Variants in PCDH10 observed in about 807,000 individuals in gnomAD.
The protein encoded by PCDH10 is protocadherin 10.
Under a neutral mutation model 74.4 loss-of-function variants are expected in PCDH10, and 15 were observed. The observed-to-expected ratio is 0.20, with a 90% CI of 0.13 to 0.31. The LOEUF (loss-of-function observed/expected upper bound fraction) is 0.31, where lower values mean the gene tolerates loss of function less well. Ranked by LOEUF, PCDH10 falls within the 10% of genes least tolerant of loss-of-function variation. PCDH10 has a pLI of 1.00. For missense variants in PCDH10, 1,260 were observed against 1,390.2 expected (o/e 0.91, Z 1.49); for synonymous variants, 619 against 589.8 (o/e 1.05, Z -0.72).
chr4:133,196,699 T>C (rs544745918), downstream of PCDH10, among the ~76,000 whole-genome samples: 50 of 152,318 alleles, frequency 3.3e-4, no homozygotes, highest in African/African-American at 1.2e-3. Flanking sequence ...AGTTAAACTA[T>C]AAACCAAGTT....
In PCDH10 at chr4:133,154,315, C is replaced by T; in HGVS notation, c.2640C>T (p.His880=). 7 of 1,606,396 alleles carry T rather than the reference C, an allele frequency of 4.4e-6. No homozygotes were observed. The highest frequency in any genetic ancestry group is 6.0e-6 in the Non-Finnish European group (7 of 1,175,670). ...NGSILSNETK[H]QRAELSYLVD... Reference sequence around the variant, plus strand: ...ATTTATTTTTTTCCTAGACTAAACACCAGCGAGCAGAGCTCAGCTATCTAG... The same window carrying T: ...ATTTATTTTTTTCCTAGACTAAACATCAGCGAGCAGAGCTCAGCTATCTAG... The change falls in exon 2 of 5, where the codon CAC becomes CAT. Residue 880 remains histidine (H), a synonymous_variant. Coordinates refer to ENST00000264360, the MANE Select transcript of PCDH10 (RefSeq NM_032961.3).
At position 133,150,354 on chromosome 4, in the gene PCDH10, G is replaced by T; in HGVS notation, c.214G>T (p.Val72Leu). The T allele has an allele frequency of 1.9e-6, 3 of 1,613,888 alleles. No homozygotes were observed. Among genetic ancestry groups the T allele is most frequent in the Non-Finnish European group, 1.7e-6 (2 of 1,179,942 alleles). ...PYLDLNLETG[V>L]LYVNEKIDRE... ...CTTAGACCTCAACCTGGAGACAGGG[G>T]TGCTGTACGTGAACGAGAAAATAGA... Residue 72 changes from valine (V) to leucine (L), a missense_variant, in exon 1 of 5, where the codon GTG (valine) becomes TTG (leucine). Val to Leu is a conservative substitution (Grantham distance 32). This residue lies in a region of PCDH10 where 103 missense variants were observed against 91.5 expected (regional missense o/e 1.13). Transcript: ENST00000264360.
At chr4:133,199,776 T>C (rs1466867038) in intron 2 of PCDH10, among the ~76,000 whole-genome samples, 1 of 145,338 alleles carries the variant, frequency 6.9e-6, no homozygotes, top group Non-Finnish European at 1.5e-5. Flanking sequence ...TTATTATTAT[T>C]ATTATTATTA....
intron 4 of PCDH10, among the ~76,000 whole-genome samples, chr4:133,189,368 TGGATAAG>T (rs1445962396): frequency 6.6e-6 from 1 of 152,106 alleles, no homozygotes; most frequent in Non-Finnish European, 1.5e-5. Flanking sequence ...ACAAAGTTTA[TGGATAAG>T]GGAAGAAATA....
At chr4:133,175,722 C>T (rs1727284103) in intron 4 of PCDH10, among the ~76,000 whole-genome samples, 1 of 152,118 alleles carries the variant, frequency 6.6e-6, no homozygotes, top group African/African-American at 2.4e-5. Flanking sequence ...TCTGTACCTA[C>T]TGCACAAATA....
chr4:133,157,499 T>C (rs1055724657), intron 3 of PCDH10, among the ~76,000 whole-genome samples: 5 of 152,168 alleles, frequency 3.3e-5, no homozygotes, highest in Non-Finnish European at 4.4e-5. Flanking sequence ...ACTCATAGCA[T>C]AGCTTTCTAA....
chr4:133,159,938 C>T (rs1726933304), intron 3 of PCDH10, among the ~76,000 whole-genome samples: 1 of 151,760 alleles, frequency 6.6e-6, no homozygotes, highest in Non-Finnish European at 1.5e-5. Context: ...CCTCTGCTTA[C>T]TTGGTAATTA....
chr4:133,154,610 C>T (rs1045360366), intron 2 of PCDH10, among the ~76,000 whole-genome samples: 8 of 152,074 alleles, frequency 5.3e-5, no homozygotes, highest in African/African-American at 1.4e-4. Flanking sequence ...ACACAGCTTC[C>T]GATAGTCTTC....
In PCDH10 at chr4:133,151,052, G is replaced by T; in HGVS notation, c.912G>T (p.Ser304=). Residue 304 remains serine (S), a synonymous_variant, in exon 1 of 5, where the codon TCG becomes TCT. Transcript: ENST00000264360. Reference sequence around the variant, plus strand: ...GGGCGCGGGAGCTTTTCGGACTCTCGCCGCGCACTGGCAGACTGGAGGTAA... The same window carrying T: ...GGGCGCGGGAGCTTTTCGGACTCTCTCCGCGCACTGGCAGACTGGAGGTAA... ...SPRARELFGL[S]PRTGRLEVSG... is the part of the protein sequence containing the mutation. 1 of 1,613,914 alleles carries T rather than the reference G, an allele frequency of 6.2e-7. No individual in the cohort carries two copies. The highest frequency in any genetic ancestry group is 8.5e-7 in the Non-Finnish European group (1 of 1,180,030).
In PCDH10 at chr4:133,152,413, T is replaced by C. The variant is rs963102711; in HGVS notation, c.2273T>C (p.Leu758Pro). 14 of 1,613,670 alleles carry C rather than the reference T, an allele frequency of 8.7e-6. No homozygotes were observed. The highest frequency in any genetic ancestry group is 1.2e-5 in the Non-Finnish European group (14 of 1,179,760). Residue 758 changes from leucine (L) to proline (P), a missense_variant, in exon 1 of 5, where the codon CTC (leucine) becomes CCC (proline). Leu to Pro is a moderately conservative substitution (Grantham distance 98). Around this residue, in one of 11 missense-constraint regions of PCDH10, gnomAD observed 587 missense variants for 616.9 expected, o/e 0.95. Transcript: ENST00000264360. The part of the protein sequence containing the change: ...IYTCLASDCC[L>P]CCCCCGGGGS... ...ACTTGTCTGGCCAGCGATTGCTGCC[T>C]CTGCTGCTGCTGCTGCGGTGGCGGA...
At chr4:133,205,890 G>T (rs1033101866) in intron 2 of PCDH10, among the ~76,000 whole-genome samples, 2 of 151,988 alleles carry the variant, frequency 1.3e-5, no homozygotes, top group Non-Finnish European at 2.9e-5. Context: ...ATATATTGAT[G>T]ACAGTTTATT....
chr4:133,187,856 A>G (rs1727574872), intron 4 of PCDH10, among the ~76,000 whole-genome samples: 1 of 152,168 alleles, frequency 6.6e-6, no homozygotes, highest in South Asian at 2.1e-4. Flanking sequence ...TCAAGTGAAC[A>G]CATAATATTT....
rs1727736395 is a variant in PCDH10, at chr4:133,193,919, A to T, written c.*3759A>T. ...AAAACAGAAAATAATGGAATTCCAT[A>T]TTTTTTACACCATGGAGTAGTAAAA... On this transcript the variant is annotated 3_prime_UTR_variant, in exon 5 of 5. Coordinates refer to ENST00000264360, the MANE Select transcript of PCDH10 (RefSeq NM_032961.3). The T allele has an allele frequency of 6.6e-6, 1 of 151,626 alleles. No homozygotes were observed. Among genetic ancestry groups the T allele is most frequent in the Admixed American group, 6.6e-5 (1 of 15,194 alleles). 9.4% of individuals were successfully genotyped at this position (151,626 alleles called of 1,614,324 possible).
chr4:133,201,367 G>A (rs910936688), intron 2 of PCDH10, among the ~76,000 whole-genome samples: 8 of 152,154 alleles, frequency 5.3e-5, no homozygotes, highest in African/African-American at 1.9e-4. Flanking sequence ...ACAGTGTATA[G>A]ATGGATGAGA....
At chr4:133,170,749 G>A (rs1239127106) in intron 4 of PCDH10, among the ~76,000 whole-genome samples, 6 of 152,108 alleles carry the variant, frequency 3.9e-5, no homozygotes, top group African/African-American at 1.4e-4. Context: ...CTGGAGTGCA[G>A]TGGTGCGATC....
In PCDH10 at chr4:133,152,624, G is replaced by T. The variant is rs1457013511; in HGVS notation, c.2484G>T (p.Glu828Asp). Residue 828 changes from glutamate (E) to aspartate (D), a missense_variant, in exon 1 of 5, where the codon GAG (glutamate) becomes GAT (aspartate). Coordinates refer to ENST00000264360, the MANE Select transcript of PCDH10 (RefSeq NM_032961.3). ...NYCYQVCLTP[E>D]SAKTDLMFLK... is the part of the protein sequence containing the mutation. ...GCTATCAGGTATGCCTGACCCCTGA[G>T]TCCGCCAAGACCGACCTGATGTTTC... 6.2e-7 allele frequency: 1 copy of T among 1,614,208 alleles called. No homozygotes were observed. Among genetic ancestry groups the T allele is most frequent in the East Asian group, 2.2e-5 (1 of 44,860 alleles).
intron 4 of PCDH10, among the ~76,000 whole-genome samples, chr4:133,187,240 A>C (rs1486853962): frequency 3.3e-5 from 5 of 152,144 alleles, no homozygotes; most frequent in African/African-American, 1.2e-4. Context: ...TGAATTTGCC[A>C]TGCACAGAGT....
rs2125858547 is a variant in PCDH10, at chr4:133,152,005, G to A, written c.1865G>A (p.Arg622His). The change falls in exon 1 of 5, where the codon CGT becomes CAT. Residue 622 changes from arginine to histidine, a missense_variant. Around this residue, in one of 11 missense-constraint regions of PCDH10, gnomAD observed 587 missense variants for 616.9 expected, o/e 0.95. Coordinates refer to ENST00000264360, the MANE Select transcript of PCDH10 (RefSeq NM_032961.3). ...ENARLTYSIV[R>H]GNEMNLFRMD... ...GCCCGGCTCACTTACAGCATCGTGC[G>A]TGGCAACGAAATGAACCTCTTTCGC... The A allele has an allele frequency of 6.2e-7, 1 of 1,612,760 alleles. No individual in the cohort carries two copies. The highest frequency in any genetic ancestry group is 2.2e-5 in the East Asian group (1 of 44,856).
intron 4 of PCDH10, among the ~76,000 whole-genome samples, chr4:133,172,572 A>C (rs1474750931): frequency 6.6e-6 from 1 of 152,046 alleles, no homozygotes; most frequent in African/African-American, 2.4e-5. Flanking sequence ...TTACTACTGT[A>C]GTATGTCAAG....
Sources: allele counts gnomAD v4.1 joint callset (sites outside exome capture counted in the v4.1 genomes callset), GRCh38; gene constraint gnomAD v4.1.1; regional missense constraint gnomAD v4.1.1; transcripts MANE v1.5; gene names NCBI Gene and HGNC (gene_info 2026-07-23, HGNC 2026-07-21).